Variants in IMMP2L observed in about 807,000 individuals in gnomAD.
IMMP2L encodes inner mitochondrial membrane peptidase subunit 2.
A neutral mutation model predicts 19.3 loss-of-function variants in IMMP2L; 18 were observed. The ratio of observed to expected loss-of-function variants is 0.93; its 90% confidence interval spans 0.64 to 1.38. IMMP2L has a LOEUF of 1.38. IMMP2L is among the 40% of genes most tolerant of loss of function. IMMP2L has a pLI of 0.00. For missense variants in IMMP2L, 233 were observed against 218.2 expected (o/e 1.07, Z -0.43); for synonymous variants, 76 against 73.0 (o/e 1.04, Z -0.21).
At chr7:111,060,941 T>C (rs1287390479) in intron 3 of IMMP2L, among the ~76,000 whole-genome samples, 2 of 152,256 alleles carry the variant, frequency 1.3e-5, no homozygotes, top group African/African-American at 4.8e-5. Flanking sequence ...TTCTCGGATT[T>C]AGACAAAGTT....
intron 5 of IMMP2L, among the ~76,000 whole-genome samples, chr7:110,700,936 T>G (rs978340412): frequency 2.0e-5 from 3 of 152,194 alleles, no homozygotes; most frequent in African/African-American, 7.2e-5. Context: ...CAAATGAATA[T>G]TTGCAGTATA....
chr7:110,976,976 G>A (rs1008611536), intron 3 of IMMP2L, among the ~76,000 whole-genome samples: 1 of 151,840 alleles, frequency 6.6e-6, no homozygotes, highest in Non-Finnish European at 1.5e-5. Context: ...TCTACAACTA[G>A]TATGAAGCAT....
chr7:111,526,663 T>G (rs1846891410), intron 1 of IMMP2L, among the ~76,000 whole-genome samples: 4 of 152,190 alleles, frequency 2.6e-5, no homozygotes. Context: ...ATCAATATAT[T>G]TAACTGACTA....
At chr7:111,352,340 C>T (rs1046736883) in intron 3 of IMMP2L, among the ~76,000 whole-genome samples, 1 of 150,970 alleles carries the variant, frequency 6.6e-6, no homozygotes, top group African/African-American at 2.4e-5. Flanking sequence ...CTGGGTAATG[C>T]AGGTACATGC....
chr7:110,970,433 T>C (rs1462289950), intron 3 of IMMP2L, among the ~76,000 whole-genome samples: 1 of 152,130 alleles, frequency 6.6e-6, no homozygotes, highest in Admixed American at 6.6e-5. Context: ...TGTGTGTGTG[T>C]GCACATGTAT....
At chr7:111,378,341 T>G (rs1356925887) in intron 3 of IMMP2L, among the ~76,000 whole-genome samples, 1 of 152,012 alleles carries the variant, frequency 6.6e-6, no homozygotes, top group Non-Finnish European at 1.5e-5. Flanking sequence ...AGCATACTTA[T>G]AATCCAGTTA....
chr7:111,118,831 C>T (rs1367965266), intron 3 of IMMP2L, among the ~76,000 whole-genome samples: 1 of 152,104 alleles, frequency 6.6e-6, no homozygotes, highest in African/African-American at 2.4e-5. Context: ...TTGCTTCCTA[C>T]AGACCAGGAG....
chr7:111,474,747 G>T (rs1841574185), intron 3 of IMMP2L, among the ~76,000 whole-genome samples: 1 of 151,462 alleles, frequency 6.6e-6, no homozygotes, highest in South Asian at 2.1e-4. Flanking sequence ...TTACCTTCTT[G>T]CAACTCAATT....
intron 3 of IMMP2L, among the ~76,000 whole-genome samples, chr7:111,116,618 A>G (rs2129585792): frequency 6.6e-6 from 1 of 152,308 alleles, no homozygotes; most frequent in East Asian, 1.9e-4. Context: ...AATTTAGTGC[A>G]TATTTTGTGA....
At chr7:110,791,876 C>G (rs560676051) in intron 5 of IMMP2L, among the ~76,000 whole-genome samples, 1 of 151,790 alleles carries the variant, frequency 6.6e-6, no homozygotes, top group Non-Finnish European at 1.5e-5. Context: ...AGTCACTCCT[C>G]CTGCCCTGGA....
chr7:111,484,156 C>T (rs1052731035), intron 3 of IMMP2L, among the ~76,000 whole-genome samples: 1 of 152,234 alleles, frequency 6.6e-6, no homozygotes, highest in Admixed American at 6.5e-5. Flanking sequence ...GCTATCTTCA[C>T]CTTTTATGTT....
At chr7:111,066,193 G>A (rs1031803855) in intron 3 of IMMP2L, among the ~76,000 whole-genome samples, 9 of 151,920 alleles carry the variant, frequency 5.9e-5, no homozygotes, top group Non-Finnish European at 7.4e-5. Flanking sequence ...ATATTGGCCA[G>A]GCTGGTCTTG....
chr7:111,352,994 A>G (rs958597582), intron 3 of IMMP2L, among the ~76,000 whole-genome samples: 5 of 152,158 alleles, frequency 3.3e-5, no homozygotes, highest in African/African-American at 1.2e-4. Flanking sequence ...CCTGCTAACT[A>G]TCTTCTACCT....
chr7:111,521,178 A>C (rs1451343946), intron 2 of IMMP2L, 135 bp downstream of exon 2: 6 of 914,366 alleles, frequency 6.6e-6, no homozygotes, highest in Middle Eastern at 2.3e-4. Flanking sequence ...AAATTCAGTA[A>C]AGTAAAATTT....
At chr7:111,006,784 C>T (rs1824332609) in intron 3 of IMMP2L, among the ~76,000 whole-genome samples, 1 of 152,134 alleles carries the variant, frequency 6.6e-6, no homozygotes, top group Non-Finnish European at 1.5e-5. Flanking sequence ...CATGTAAGCA[C>T]TTGAAGATCC....
At chr7:110,731,088 T>C (rs2130816799) in intron 5 of IMMP2L, among the ~76,000 whole-genome samples, 1 of 152,316 alleles carries the variant, frequency 6.6e-6, no homozygotes, top group East Asian at 1.9e-4. Context: ...GCTGAACTCT[T>C]TGAATGTCAT....
intron 3 of IMMP2L, among the ~76,000 whole-genome samples, chr7:111,317,730 G>C (rs1038293278): frequency 6.6e-6 from 1 of 151,988 alleles, no homozygotes; most frequent in Non-Finnish European, 1.5e-5. Context: ...TGAGGGTGTT[G>C]ATTTTGTTGT....
chr7:111,151,300 A>G (rs1217903304), intron 3 of IMMP2L, among the ~76,000 whole-genome samples: 1 of 152,192 alleles, frequency 6.6e-6, no homozygotes, highest in Non-Finnish European at 1.5e-5. Flanking sequence ...GTCTAGAAAG[A>G]TCTAACAACC....
At chr7:110,813,055 T>C (rs1333137417) in intron 5 of IMMP2L, among the ~76,000 whole-genome samples, 1 of 152,074 alleles carries the variant, frequency 6.6e-6, no homozygotes, top group Non-Finnish European at 1.5e-5. Context: ...GGAATCACTT[T>C]GCAGTAAAAT....
Sources: allele counts gnomAD v4.1 joint callset (sites outside exome capture counted in the v4.1 genomes callset), GRCh38; gene constraint gnomAD v4.1.1; transcripts MANE v1.5; gene names NCBI Gene and HGNC (gene_info 2026-07-23, HGNC 2026-07-21).